The following GPD1L variants were observed in gnomAD, a reference collection of about 807,000 sequenced individuals.
The protein encoded by GPD1L is glycerol-3-phosphate dehydrogenase 1 like.
A neutral mutation model predicts 32.9 loss-of-function variants in GPD1L; 17 were observed. That is an observed-to-expected ratio of 0.52 (90% CI 0.35 to 0.78). GPD1L has a LOEUF of 0.78. Among genes scored for constraint, GPD1L ranks in the 30% least tolerant of loss-of-function variants. GPD1L has a pLI of 0.01. For synonymous variants in GPD1L, 187 were observed against 165.9 expected (o/e 1.13, Z -0.98); for missense variants, 361 against 447.8 (o/e 0.81, Z 1.75).
chr3:32,117,254 G>A (rs1700344939), intron 1 of GPD1L, among the ~76,000 whole-genome samples: 3 of 152,158 alleles, frequency 2.0e-5, no homozygotes, highest in Admixed American at 6.5e-5. Context: ...GCAGTGAATA[G>A]CCTTATACTG....
At chr3:32,111,067 T>C (rs1390870586) in intron 1 of GPD1L, among the ~76,000 whole-genome samples, 1 of 152,184 alleles carries the variant, frequency 6.6e-6, no homozygotes, top group Non-Finnish European at 1.5e-5. Flanking sequence ...GGTTTTGCCG[T>C]GTTGGCCAGG....
chr3:32,124,599 T>C (rs937423758), intron 1 of GPD1L, among the ~76,000 whole-genome samples: 1 of 152,142 alleles, frequency 6.6e-6, no homozygotes, highest in Non-Finnish European at 1.5e-5. Flanking sequence ...ACCACACAGA[T>C]AAAAGTGGAC....
chr3:32,152,874 C>A (rs1575120296), intron 5 of GPD1L, among the ~76,000 whole-genome samples: 1 of 150,670 alleles, frequency 6.6e-6, no homozygotes. Flanking sequence ...ACAAAGAGCA[C>A]GTGGCAGCTA....
chr3:32,116,588 G>A (rs990979305), intron 1 of GPD1L, among the ~76,000 whole-genome samples: 2 of 142,778 alleles, frequency 1.4e-5, no homozygotes, highest in Non-Finnish European at 3.1e-5. Context: ...TGTGACCTAC[G>A]ATAGCAAGCT....
intron 5 of GPD1L, among the ~76,000 whole-genome samples, chr3:32,156,602 G>A (rs1048736942): frequency 3.3e-5 from 5 of 152,104 alleles, no homozygotes; most frequent in African/African-American, 4.8e-5. Flanking sequence ...GAAACTTCAG[G>A]AGGCCCAATT....
chr3:32,108,038 C>G (rs1385652146), intron 1 of GPD1L, among the ~76,000 whole-genome samples: 1 of 152,120 alleles, frequency 6.6e-6, no homozygotes, highest in Non-Finnish European at 1.5e-5. Context: ...TGTGAGCCAC[C>G]GCTCCCTGCC....
chr3:32,139,641 T>C (rs781628594), intron 3 of GPD1L, among the ~76,000 whole-genome samples: 1 of 152,216 alleles, frequency 6.6e-6, no homozygotes, highest in Non-Finnish European at 1.5e-5. Context: ...TGAATGTTCA[T>C]GAAGGCAAAC....
intron 3 of GPD1L, among the ~76,000 whole-genome samples, chr3:32,139,729 A>T (rs906460189): frequency 3.3e-5 from 5 of 152,240 alleles, no homozygotes; most frequent in African/African-American, 1.2e-4. Flanking sequence ...CTGTGCAGTA[A>T]GTGAACAGAA....
intron 1 of GPD1L, among the ~76,000 whole-genome samples, chr3:32,116,334 C>A (rs920084072): frequency 6.6e-6 from 1 of 152,082 alleles, no homozygotes; most frequent in South Asian, 2.1e-4. Context: ...TATACTTGTC[C>A]CAGTCTAATT....
chr3:32,132,582 A>C (rs917849022), intron 2 of GPD1L, among the ~76,000 whole-genome samples: 1 of 152,152 alleles, frequency 6.6e-6, no homozygotes, highest in African/African-American at 2.4e-5. Context: ...CTTTGATTTC[A>C]TTAGAGGAGT....
At chr3:32,124,421 C>G (rs1283847350) in intron 1 of GPD1L, among the ~76,000 whole-genome samples, 1 of 152,194 alleles carries the variant, frequency 6.6e-6, no homozygotes, top group Non-Finnish European at 1.5e-5. Context: ...CTTCAAAACC[C>G]TCTGGCTCCT....
chr3:32,138,522 A>G, intron 2 of GPD1L, 65 bp from the exon 3 acceptor site: 2 of 1,498,994 alleles, frequency 1.3e-6, no homozygotes, highest in Non-Finnish European at 1.9e-6. Flanking sequence ...CAGTGAGTGA[A>G]ACCTTGTGGA....
At chr3:32,115,452 T>G (rs566589056) in intron 1 of GPD1L, among the ~76,000 whole-genome samples, 5 of 152,370 alleles carry the variant, frequency 3.3e-5, no homozygotes, top group African/African-American at 1.2e-4. Flanking sequence ...GCTTCACCTC[T>G]CATTATCATT....
Position 32,121,917 on chromosome 3 carries a change from C to T in GPD1L, c.48-6159C>T, listed in dbSNP as rs537604433. Among the ~76,000 whole-genome samples, 39 of 151,434 alleles carry T rather than the reference C, an allele frequency of 2.6e-4. 1 individual carries two copies. In the South Asian group the frequency reaches 7.9e-3, roughly 31 times the overall value. On this transcript the variant is annotated intron_variant, in intron 1 of 7. Transcript: ENST00000282541. Reference sequence around the variant, plus strand: ...TCCTGAGGAGCTGGGATTACAGGCACGCGCCACCACGCCCGGCTAATTTTT... The same window carrying T: ...TCCTGAGGAGCTGGGATTACAGGCATGCGCCACCACGCCCGGCTAATTTTT...
intron 1 of GPD1L, among the ~76,000 whole-genome samples, chr3:32,109,006 T>G (rs945185485): frequency 6.6e-6 from 1 of 152,186 alleles, no homozygotes; most frequent in Non-Finnish European, 1.5e-5. Flanking sequence ...TCCGCCACCA[T>G]GCCTGGCTAA....
In GPD1L at chr3:32,106,638, G is replaced by A. The variant is rs1293642080; in HGVS notation, c.-74G>A. 3 of 1,388,478 alleles carry A rather than the reference G, an allele frequency of 2.2e-6. No homozygotes were observed. The highest frequency in any genetic ancestry group is 2.8e-6 in the Non-Finnish European group (3 of 1,053,050). The allele number at this position is 1,388,478 out of a possible 1,614,324, so 86.0% of individuals were successfully genotyped here. ...GGGCGGGGCCGCCGCCAGCCGCTGC[G>A]GGCAAGGCTGAACAGGCGGAGGTGG... On this transcript the variant is annotated 5_prime_UTR_variant, in exon 1 of 8. Coordinates refer to ENST00000282541, the MANE Select transcript of GPD1L (RefSeq NM_015141.4). The surrounding 1 kb of genome is among the most constrained non-coding windows in gnomAD (Gnocchi z 4.0).
intron 5 of GPD1L, chr3:32,158,412 G>A (rs1251192043): frequency 9.6e-6 from 2 of 209,004 alleles, no homozygotes; most frequent in Non-Finnish European, 2.0e-5. Context: ...GCTTCCTGAA[G>A]CACTGGCTGT....
chr3:32,110,757 G>A (rs1439756450), intron 1 of GPD1L, among the ~76,000 whole-genome samples: 3 of 152,254 alleles, frequency 2.0e-5, no homozygotes, highest in African/African-American at 7.2e-5. Flanking sequence ...CAGGTGCAGG[G>A]AGGGACTTCC....
intron 5 of GPD1L, chr3:32,151,367 C>T (rs1700916854): frequency 1.4e-6 from 1 of 693,668 alleles, no homozygotes; most frequent in Middle Eastern, 2.9e-4. Flanking sequence ...ATTGTAGACT[C>T]TTCCAGTTTA....
Sources: gnomAD v4.1 joint callset for allele counts (sites outside exome capture counted in the v4.1 genomes callset) on GRCh38, gnomAD v4.1.1 for gene constraint, Gnocchi (gnomAD v3.1) non-coding constraint, MANE v1.5 for transcripts, NCBI Gene and HGNC (gene_info 2026-07-23, HGNC 2026-07-21) for gene names.